RBFOX1: variants seen among roughly 807,000 people sequenced by gnomAD.
RBFOX1 encodes RNA binding fox-1 homolog 1, also known as RNA binding protein fox-1 homolog 1.
Under a neutral mutation model 57.7 loss-of-function variants are expected in RBFOX1, and 8 were observed. The observed-to-expected ratio is 0.14, with a 90% CI of 0.08 to 0.25. The LOEUF (loss-of-function observed/expected upper bound fraction) is 0.25. Among genes scored for constraint, RBFOX1 ranks in the 10% least tolerant of loss-of-function variants. The pLI, the probability that RBFOX1 is intolerant of heterozygous loss-of-function variation, is 1.00. For missense variants in RBFOX1, 611 were observed against 548.5 expected (o/e 1.11, Z -1.14); for synonymous variants, 326 against 222.4 (o/e 1.47, Z -4.15).
At chr16:7,586,922 G>C (rs2094156879) in intron 6 of RBFOX1, among the ~76,000 whole-genome samples, 5 of 152,176 alleles carry the variant, frequency 3.3e-5, no homozygotes, top group Admixed American at 3.3e-4. Flanking sequence ...AGACCAGAAG[G>C]ATCATTGTAT....
intron 2 of RBFOX1, among the ~76,000 whole-genome samples, chr16:6,474,201 C>G (rs939732058): frequency 6.6e-6 from 1 of 152,098 alleles, no homozygotes; most frequent in East Asian, 1.9e-4. Context: ...CATCATAGTA[C>G]TATTATCCAG....
At chr16:7,040,849 G>A (rs2045908461) in intron 3 of RBFOX1, among the ~76,000 whole-genome samples, 1 of 152,088 alleles carries the variant, frequency 6.6e-6, no homozygotes, top group Admixed American at 6.6e-5. Context: ...TGTGGCCATG[G>A]GCCAAAGACA....
At chr16:5,363,940 T>C (rs570906199) in intron 1 of RBFOX1, among the ~76,000 whole-genome samples, 2 of 152,350 alleles carry the variant, frequency 1.3e-5, no homozygotes, top group African/African-American at 4.8e-5. Flanking sequence ...CAACTCCAGC[T>C]GGTCTCTGCT....
At chr16:6,796,081 G>C (rs975679922) in intron 3 of RBFOX1, among the ~76,000 whole-genome samples, 3 of 149,274 alleles carry the variant, frequency 2.0e-5, no homozygotes, top group African/African-American at 7.7e-5. Flanking sequence ...AGGTTTATTA[G>C]GCTTACATTT....
At chr16:7,094,063 C>A (rs539458555) in intron 4 of RBFOX1, among the ~76,000 whole-genome samples, 9 of 150,076 alleles carry the variant, frequency 6.0e-5, no homozygotes, top group Admixed American at 1.3e-4. Flanking sequence ...GCCAGAGGAT[C>A]AGAGCAAAAC....
intron 3 of RBFOX1, among the ~76,000 whole-genome samples, chr16:6,889,586 G>A (rs566036379): frequency 1.3e-5 from 2 of 151,742 alleles, no homozygotes; most frequent in African/African-American, 4.8e-5. Flanking sequence ...TATACATGTC[G>A]AATTCCCGAC....
chr16:5,478,421 C>G (rs865834057), intron 2 of RBFOX1, among the ~76,000 whole-genome samples: 2 of 152,042 alleles, frequency 1.3e-5, no homozygotes, highest in Admixed American at 6.6e-5. Context: ...AGAGCTGCAG[C>G]ATTATTGATT....
chr16:7,656,743 C>T (rs1283974129), intron 12 of RBFOX1, among the ~76,000 whole-genome samples: 1 of 152,088 alleles, frequency 6.6e-6, no homozygotes, highest in Non-Finnish European at 1.5e-5. Context: ...AGAGGTATTT[C>T]TTCTGGTTGG....
intron 10 of RBFOX1, among the ~76,000 whole-genome samples, chr16:7,619,625 C>G (rs930947532): frequency 6.6e-6 from 1 of 152,118 alleles, no homozygotes; most frequent in Admixed American, 6.5e-5. Context: ...ATAGAGAAGC[C>G]TGTCTAGACA....
chr16:7,037,351 C>G (rs376948100), intron 3 of RBFOX1, among the ~76,000 whole-genome samples: 73 of 148,896 alleles, frequency 4.9e-4, no homozygotes, highest in African/African-American at 1.7e-3. Context: ...AAGAGCTTCT[C>G]CTGCCTCAGC....
intron 3 of RBFOX1, among the ~76,000 whole-genome samples, chr16:6,754,297 A>G (rs76453167): frequency 0.016 from 2,387 of 152,328 alleles, 33 homozygotes; most frequent in Middle Eastern, 0.024. Context: ...CGCCAACTCA[A>G]TATCCTCAAT....
intron 7 of RBFOX1, among the ~76,000 whole-genome samples, chr16:7,591,279 C>T (rs550002621): frequency 6.6e-6 from 1 of 152,232 alleles, no homozygotes; most frequent in South Asian, 2.1e-4. Context: ...TTCAGATGCT[C>T]ATCAACAGCT....
intron 1 of RBFOX1, among the ~76,000 whole-genome samples, chr16:6,125,870 G>C (rs145551306): frequency 6.2e-4 from 94 of 152,268 alleles, no homozygotes; most frequent in African/African-American, 2.1e-3. Flanking sequence ...GCCGGGGAGA[G>C]ATTTTCTGAA....
intron 2 of RBFOX1, among the ~76,000 whole-genome samples, chr16:5,534,329 A>C (rs1194650105): frequency 6.6e-6 from 1 of 152,200 alleles, no homozygotes; most frequent in Admixed American, 6.5e-5. Context: ...GAATTGACTC[A>C]TACGATCAGA....
chr16:5,471,387 C>G (rs181064439), intron 2 of RBFOX1, among the ~76,000 whole-genome samples: 3 of 152,094 alleles, frequency 2.0e-5, no homozygotes, highest in Non-Finnish European at 4.4e-5. Flanking sequence ...ATTTCAGTGA[C>G]TGGGTTGAGG....
intron 2 of RBFOX1, among the ~76,000 whole-genome samples, chr16:6,323,927 C>G (rs958002625): frequency 6.6e-6 from 1 of 152,104 alleles, no homozygotes; most frequent in African/African-American, 2.4e-5. Flanking sequence ...TGTGTGCCAT[C>G]ATGCTCAGCT....
In RBFOX1 at chr16:5,437,509, C is replaced by A. The variant is rs148167093; in HGVS notation, c.220-29707C>A. ...TATTGCAAACTACCTAAAGTGAAAG[C>A]AACCTGCATATCCAACCATAGATGA... On this transcript the variant is annotated intron_variant, in intron 1 of 2. Transcript: ENST00000585867. Among the ~76,000 whole-genome samples, 4 of 152,266 alleles carry A rather than the reference C, an allele frequency of 2.6e-5. No homozygotes were observed. The East Asian group carries it at 7.7e-4, about 29-fold the overall frequency.
intron 4 of RBFOX1, among the ~76,000 whole-genome samples, chr16:7,496,300 A>G (rs2068616280): frequency 6.6e-6 from 1 of 152,064 alleles, no homozygotes. Context: ...GTGCCACCAC[A>G]TCTGTCTAAT....
intron 2 of RBFOX1, among the ~76,000 whole-genome samples, chr16:6,527,016 C>G (rs995075744): frequency 1.9e-4 from 29 of 151,968 alleles, no homozygotes; most frequent in African/African-American, 6.0e-4. Context: ...CAACTTAAAT[C>G]TGCTTTTAAA....
Sources: gnomAD v4.1 joint callset for allele counts (sites outside exome capture counted in the v4.1 genomes callset) on GRCh38, gnomAD v4.1.1 for gene constraint, MANE v1.5 for transcripts, NCBI Gene and HGNC (gene_info 2026-07-23, HGNC 2026-07-21) for gene names.